The following PDGFRL variants were observed in gnomAD, a reference collection of about 807,000 sequenced individuals.
The protein encoded by PDGFRL is platelet derived growth factor receptor like.
A neutral mutation model predicts 37.2 loss-of-function variants in PDGFRL; 46 were observed. The ratio of observed to expected loss-of-function variants is 1.24; its 90% CI spans 0.98 to 1.58. PDGFRL has a LOEUF of 1.58. Among genes scored for constraint, PDGFRL ranks in the 40% most tolerant of loss-of-function variants. The pLI is 0.00. For synonymous variants in PDGFRL, 251 were observed against 184.3 expected, an observed-to-expected ratio of 1.36 and a Z score of -2.93; for missense variants, 692 against 467.6, an observed-to-expected ratio of 1.48 and a Z score of -4.43.
intron 3 of PDGFRL, among the ~76,000 whole-genome samples, chr8:17,623,992 A>G (rs984107741): frequency 2.6e-5 from 4 of 152,094 alleles, no homozygotes; most frequent in African/African-American, 9.7e-5. Context: ...CCAACTATCA[A>G]GAAACTTTGA....
At chr8:17,631,358 T>C (rs751324558) in intron 4 of PDGFRL, among the ~76,000 whole-genome samples, 85 of 152,078 alleles carry the variant, frequency 5.6e-4, no homozygotes, top group Non-Finnish European at 1.1e-3. Flanking sequence ...CAGTGGAGCT[T>C]CTCAGCCACC....
At position 17,617,702 on chromosome 8, in the gene PDGFRL, C is replaced by G. The variant is rs185646140; in HGVS notation, c.354-3349C>G. ...TGCAGAACTGTTTTCCAGTGCGTTTCCTTCCTTCCGCCCCCAAACCTACTA... is the reference window on the plus strand; with the variant it reads ...TGCAGAACTGTTTTCCAGTGCGTTTGCTTCCTTCCGCCCCCAAACCTACTA... On this transcript the variant is annotated intron_variant, in intron 2 of 5. Coordinates refer to ENST00000251630, the MANE Select transcript of PDGFRL (RefSeq NM_001372073.1). Among the ~76,000 whole-genome samples, 54 of 152,180 alleles carry G rather than the reference C, an allele frequency of 3.5e-4. 3 individuals carry two copies. The highest frequency in any genetic ancestry group is 3.5e-3 in the Admixed American group (53 of 15,280).
chr8:17,595,856 C>T (rs1289961487), intron 2 of PDGFRL, among the ~76,000 whole-genome samples: 8 of 152,154 alleles, frequency 5.3e-5, no homozygotes, highest in African/African-American at 1.9e-4. Flanking sequence ...TCCCAACAGC[C>T]TGTACAACTC....
At chr8:17,612,969 G>T (rs1284085609) in intron 2 of PDGFRL, among the ~76,000 whole-genome samples, 1 of 152,108 alleles carries the variant, frequency 6.6e-6, no homozygotes, top group African/African-American at 2.4e-5. Context: ...ATTTTTATGT[G>T]TAAAATTATC....
chr8:17,586,437 G>C (rs1563504558), intron 1 of PDGFRL, among the ~76,000 whole-genome samples: 1 of 152,122 alleles, frequency 6.6e-6, no homozygotes, highest in Admixed American at 6.5e-5. Flanking sequence ...CAAATAAAGT[G>C]AAAAAGCAAC....
chr8:17,626,725 A>G (rs1463069266), intron 3 of PDGFRL, among the ~76,000 whole-genome samples: 11 of 152,174 alleles, frequency 7.2e-5, no homozygotes, highest in Non-Finnish European at 1.5e-5. Flanking sequence ...AAAGGATTCA[A>G]TGTACCATGC....
At chr8:17,606,719 A>T (rs1804285599) in intron 2 of PDGFRL, among the ~76,000 whole-genome samples, 1 of 152,068 alleles carries the variant, frequency 6.6e-6, no homozygotes, top group Admixed American at 6.6e-5. Context: ...GGGGGCAGGT[A>T]ATAATAGAAC....
chr8:17,599,212 A>C (rs543424827), intron 2 of PDGFRL, among the ~76,000 whole-genome samples: 20 of 152,274 alleles, frequency 1.3e-4, no homozygotes, highest in Middle Eastern at 3.4e-3. Context: ...AGTGTGAGCC[A>C]TCAGATCCTG....
chr8:17,601,849 T>A (rs1339871459), intron 2 of PDGFRL, among the ~76,000 whole-genome samples: 33 of 152,202 alleles, frequency 2.2e-4, no homozygotes, highest in Admixed American at 2.2e-3. Flanking sequence ...TGTACCACAT[T>A]TTCTTTATGC....
intron 2 of PDGFRL, among the ~76,000 whole-genome samples, chr8:17,600,186 C>T (rs1336663283): frequency 6.6e-6 from 1 of 152,122 alleles, no homozygotes; most frequent in Non-Finnish European, 1.5e-5. Flanking sequence ...TGCATTTTTT[C>T]ACCAAGGTCA....
chr8:17,601,610 C>T (rs1563513344), intron 2 of PDGFRL, among the ~76,000 whole-genome samples: 1 of 152,170 alleles, frequency 6.6e-6, no homozygotes, highest in East Asian at 1.9e-4. Context: ...TCAGTCCTCA[C>T]CCTCTTCCCA....
chr8:17,609,668 AG>A lies in PDGFRL; in HGVS notation c.354-11382del, dbSNP rs1780481662. Reference sequence around the variant, plus strand: ...AAAAAAAAAAAAAAAAAAAAAAATAAGAGCCAAAGAGAACAGCATCAAACCT... The same window carrying A: ...AAAAAAAAAAAAAAAAAAAAAAATAAAGCCAAAGAGAACAGCATCAAACCT... On this transcript the variant is annotated intron_variant, in intron 2 of 5. Coordinates refer to ENST00000251630, the MANE Select transcript of PDGFRL (RefSeq NM_001372073.1). 2.1e-5 allele frequency among the ~76,000 whole-genome samples: 3 copies of A among 143,064 alleles called. 1 individual carries two copies. The highest frequency in any genetic ancestry group is 8.0e-5 in the African/African-American group (3 of 37,464). The allele number at this position is 143,064 out of a possible 152,430, so 93.9% of individuals were successfully genotyped here.
chr8:17,587,379 G>C (rs549366423), intron 1 of PDGFRL, among the ~76,000 whole-genome samples: 15 of 152,200 alleles, frequency 9.9e-5, no homozygotes, highest in African/African-American at 3.6e-4. Flanking sequence ...AAATTCCATA[G>C]GATTTACAGA....
intron 2 of PDGFRL, among the ~76,000 whole-genome samples, chr8:17,606,723 A>G (rs2129688430): frequency 6.6e-6 from 1 of 152,038 alleles, no homozygotes; most frequent in East Asian, 1.9e-4. Context: ...GCAGGTAATA[A>G]TAGAACGAGG....
rs775396950 is a variant in PDGFRL, at chr8:17,642,728, C to T, written c.1055C>T (p.Ala352Val). The T allele has an allele frequency of 1.2e-6, 2 of 1,606,274 alleles. No homozygotes were observed. The highest frequency in any genetic ancestry group is 1.7e-5 in the Admixed American group (1 of 60,016). Residue 352 changes from alanine (A) to valine (V), a missense_variant, in exon 6 of 6, where the codon GCA becomes GTA. Physicochemically the swap from Ala to Val is moderately conservative, Grantham distance 64 (BLOSUM62 0). Transcript: ENST00000251630. ...ITVEDFETID[A>V]GYYICTAQNL... The stretch of plus-strand genomic sequence containing the variant: ...GTGGAAGACTTTGAGACGATTGATG[C>T]AGGATATTACATTTGCACTGCTCAG...
intron 4 of PDGFRL, among the ~76,000 whole-genome samples, chr8:17,633,070 A>C (rs950195740): frequency 6.6e-6 from 1 of 152,138 alleles, no homozygotes; most frequent in African/African-American, 2.4e-5. Context: ...ACAGATTCCA[A>C]GGGCTCAGAG....
intron 2 of PDGFRL, among the ~76,000 whole-genome samples, chr8:17,605,583 G>A (rs1029480509): frequency 3.9e-5 from 6 of 152,144 alleles, no homozygotes; most frequent in African/African-American, 1.2e-4. Flanking sequence ...GAGATGAAAC[G>A]GAGAATAAGT....
At chr8:17,577,568 C>T (rs1289922872) in intron 1 of PDGFRL, among the ~76,000 whole-genome samples, 1 of 151,826 alleles carries the variant, frequency 6.6e-6, no homozygotes, top group Non-Finnish European at 1.5e-5. Flanking sequence ...CTCCAAGTCC[C>T]CATCTCCGGG....
chr8:17,586,342 G>C (rs1023874647), intron 1 of PDGFRL, among the ~76,000 whole-genome samples: 2 of 152,158 alleles, frequency 1.3e-5, no homozygotes, highest in African/African-American at 4.8e-5. Context: ...GGAAGAGGAG[G>C]CTGTCATCCC....
Sources: gnomAD v4.1 joint callset for allele counts (sites outside exome capture counted in the v4.1 genomes callset) on GRCh38, gnomAD v4.1.1 for gene constraint, MANE v1.5 for transcripts, NCBI Gene and HGNC (gene_info 2026-07-23, HGNC 2026-07-21) for gene names.